Variants in KIAA1217 observed in about 807,000 individuals in gnomAD.
The protein encoded by KIAA1217 is sickle tail protein homolog.
KIAA1217 carries 88 observed loss-of-function variants against 163.9 expected under a neutral mutation model. That is an observed-to-expected ratio of 0.54 (90% CI 0.45 to 0.64). The LOEUF is 0.64. Among genes scored for constraint, KIAA1217 ranks in the 30% least tolerant of loss-of-function variants. KIAA1217 has a pLI of 0.00. For missense variants in KIAA1217, 2,372 were observed against 2,475.0 expected (o/e 0.96, Z 0.88); for synonymous variants, 903 against 923.1 (o/e 0.98, Z 0.39).
intron 1 of KIAA1217, among the ~76,000 whole-genome samples, chr10:23,726,951 G>T (rs1838180298): frequency 6.9e-6 from 1 of 143,890 alleles, no homozygotes; most frequent in Admixed American, 6.9e-5. Context: ...TTAATTCCAT[G>T]CCATTTCCAT....
At chr10:24,376,271 T>C (rs1378276478) in intron 2 of KIAA1217, among the ~76,000 whole-genome samples, 1 of 152,206 alleles carries the variant, frequency 6.6e-6, no homozygotes, top group East Asian at 1.9e-4. Context: ...TAAACTGTTT[T>C]TCTGGATGAC....
chr10:23,895,091 C>G (rs1490930978), intron 1 of KIAA1217, among the ~76,000 whole-genome samples: 1 of 152,084 alleles, frequency 6.6e-6, no homozygotes, highest in Non-Finnish European at 1.5e-5. Context: ...GCAAGGACTT[C>G]ATGTCTAAAA....
At chr10:23,973,238 G>A (rs1845396826) in intron 1 of KIAA1217, among the ~76,000 whole-genome samples, 2 of 152,166 alleles carry the variant, frequency 1.3e-5, no homozygotes, top group African/African-American at 4.8e-5. Flanking sequence ...GAAAAAAATA[G>A]CTCTAAAGAG....
At chr10:24,357,776 G>C (rs1160108816) in intron 2 of KIAA1217, among the ~76,000 whole-genome samples, 1 of 152,210 alleles carries the variant, frequency 6.6e-6, no homozygotes, top group Non-Finnish European at 1.5e-5. Context: ...TTCAAGGTGT[G>C]AGAGCGACCA....
chr10:24,390,166 G>A (rs1199979205), intron 3 of KIAA1217, among the ~76,000 whole-genome samples: 1 of 152,050 alleles, frequency 6.6e-6, no homozygotes, highest in Non-Finnish European at 1.5e-5. Flanking sequence ...CTGCACAGGG[G>A]CCTAACTTAT....
intron 2 of KIAA1217, among the ~76,000 whole-genome samples, chr10:24,070,595 T>C (rs192235172): frequency 7.2e-5 from 11 of 152,344 alleles, no homozygotes; most frequent in African/African-American, 2.6e-4. Context: ...GAGAAGTGTG[T>C]TTTATAACCA....
chr10:24,230,767 G>C (rs770820111), intron 2 of KIAA1217, among the ~76,000 whole-genome samples: 55 of 152,096 alleles, frequency 3.6e-4, no homozygotes, highest in Non-Finnish European at 6.6e-4. Context: ...CTGGCCTCAA[G>C]TGATCCACCC....
chr10:23,973,839 GA>G (rs950209188), intron 1 of KIAA1217, among the ~76,000 whole-genome samples: 37 of 147,314 alleles, frequency 2.5e-4, no homozygotes, highest in South Asian at 6.5e-4. Flanking sequence ...ATATGACTTG[GA>G]AAAAAAAAAC....
At chr10:24,339,479 A>G (rs1416259230) in intron 2 of KIAA1217, among the ~76,000 whole-genome samples, 3 of 152,238 alleles carry the variant, frequency 2.0e-5, no homozygotes, top group African/African-American at 4.8e-5. Context: ...CTCAGAATCA[A>G]TATTACATGG....
At position 24,044,459 on chromosome 10, in the gene KIAA1217, C is replaced by A. The variant is rs79111172; in HGVS notation, c.-171+37085C>A. Reference sequence around the variant, plus strand: ...GCTTATCACGTGTCAGATTTTATTTCTTTCTTGTGTAATTTGTTAAATGAG... The same window carrying A: ...GCTTATCACGTGTCAGATTTTATTTATTTCTTGTGTAATTTGTTAAATGAG... On this transcript the variant is annotated intron_variant, in intron 2 of 18. Transcript: ENST00000376462. Among the ~76,000 whole-genome samples the A allele has an allele frequency of 1.5e-3, 228 of 152,092 alleles. 6 individuals carry two copies. In the East Asian group the frequency reaches 0.036, roughly 24 times the overall value.
At chr10:24,364,205 C>T (rs1258205772) in intron 2 of KIAA1217, among the ~76,000 whole-genome samples, 1 of 151,176 alleles carries the variant, frequency 6.6e-6, no homozygotes, top group African/African-American at 2.4e-5. Flanking sequence ...TCTCGAACTC[C>T]TGAGCTCAGG....
intron 2 of KIAA1217, among the ~76,000 whole-genome samples, chr10:24,033,081 CA>C (rs1335840084): frequency 6.6e-6 from 1 of 152,160 alleles, no homozygotes; most frequent in Non-Finnish European, 1.5e-5. Context: ...TTCCTCTTGG[CA>C]CTGACAATTT....
intron 5 of KIAA1217, among the ~76,000 whole-genome samples, chr10:24,469,539 G>A (rs1250645258): frequency 6.6e-6 from 1 of 152,156 alleles, no homozygotes; most frequent in African/African-American, 2.4e-5. Context: ...GCTAAGGAAG[G>A]AAAAGAGAAC....
At chr10:23,927,895 A>G (rs992482357) in intron 1 of KIAA1217, among the ~76,000 whole-genome samples, 2 of 152,184 alleles carry the variant, frequency 1.3e-5, no homozygotes, top group African/African-American at 4.8e-5. Flanking sequence ...ACACATATAA[A>G]ACAGCTAATT....
At chr10:23,769,862 T>A (rs1834718217) in intron 1 of KIAA1217, among the ~76,000 whole-genome samples, 1 of 152,198 alleles carries the variant, frequency 6.6e-6, no homozygotes, top group South Asian at 2.1e-4. Context: ...TCTCACAGAT[T>A]TTGCCTTAAT....
intron 2 of KIAA1217, among the ~76,000 whole-genome samples, chr10:24,315,400 G>A (rs886163836): frequency 1.1e-4 from 16 of 152,302 alleles, no homozygotes; most frequent in African/African-American, 3.9e-4. Context: ...GAGTGATACC[G>A]AGTGTTGGCA....
At chr10:24,158,115 A>T in intron 2 of KIAA1217, 1 of 754,894 alleles carries the variant, frequency 1.3e-6, no homozygotes, top group South Asian at 1.3e-5. Context: ...AGTATATATG[A>T]TGACATTTCT....
At chr10:24,092,613 A>G (rs544423856) in intron 2 of KIAA1217, among the ~76,000 whole-genome samples, 2 of 151,922 alleles carry the variant, frequency 1.3e-5, no homozygotes, top group South Asian at 4.1e-4. Context: ...AGCTTGAATG[A>G]TTCTTAAATA....
chr10:23,996,459 G>A (rs912464937), intron 1 of KIAA1217, among the ~76,000 whole-genome samples: 63 of 152,088 alleles, frequency 4.1e-4, no homozygotes, highest in Admixed American at 1.6e-3. Context: ...CAAACACAAC[G>A]GCAGAAACTG....
Sources: allele counts gnomAD v4.1 joint callset (sites outside exome capture counted in the v4.1 genomes callset), GRCh38; gene constraint gnomAD v4.1.1; transcripts MANE v1.5; gene names NCBI Gene and HGNC (gene_info 2026-07-23, HGNC 2026-07-21).